CAP2: variants seen among roughly 807,000 people sequenced by gnomAD.
The protein encoded by CAP2 is adenylyl cyclase-associated protein 2.
CAP2 carries 24 observed loss-of-function variants against 57.7 expected under a neutral mutation model. The ratio of observed to expected loss-of-function variants is 0.42; its 90% CI spans 0.30 to 0.58. CAP2 has a LOEUF of 0.58. Among genes scored for constraint, CAP2 ranks in the 20% least tolerant of loss-of-function variants. CAP2 has a pLI of 0.22. For synonymous variants in CAP2, 194 were observed against 207.2 expected (o/e 0.94, Z 0.55); for missense variants, 501 against 590.3 (o/e 0.85, Z 1.57).
intron 3 of CAP2, among the ~76,000 whole-genome samples, chr6:17,443,991 C>G (rs897300038): frequency 1.3e-5 from 2 of 151,990 alleles, no homozygotes; most frequent in Admixed American, 6.6e-5. Context: ...TTTAGAAAAC[C>G]CTTTTAAAAA....
intron 2 of CAP2, among the ~76,000 whole-genome samples, chr6:17,423,540 C>A (rs2113534397): frequency 6.6e-6 from 1 of 152,188 alleles, no homozygotes; most frequent in South Asian, 2.1e-4. Flanking sequence ...CTGTAAACTA[C>A]TGACCACAAA....
chr6:17,554,145 T>C (rs1484563481), intron 12 of CAP2, among the ~76,000 whole-genome samples: 3 of 152,232 alleles, frequency 2.0e-5, no homozygotes, highest in Non-Finnish European at 4.4e-5. Context: ...CTTGCTCTGT[T>C]GACCAGGCTG....
chr6:17,448,215 C>T (rs1044599028), intron 3 of CAP2, among the ~76,000 whole-genome samples: 6 of 152,188 alleles, frequency 3.9e-5, no homozygotes, highest in South Asian at 2.1e-4. Context: ...TTTTTCTGAG[C>T]GGCCTTAGTA....
At chr6:17,473,882 T>A (rs1484647794) in intron 4 of CAP2, among the ~76,000 whole-genome samples, 2 of 152,220 alleles carry the variant, frequency 1.3e-5, no homozygotes, top group African/African-American at 2.4e-5. Context: ...AATTTGTATA[T>A]TTAGCTCTTA....
intron 11 of CAP2, among the ~76,000 whole-genome samples, chr6:17,543,624 CAAAAA>C (rs66747239): frequency 7.2e-5 from 6 of 83,916 alleles, no homozygotes; most frequent in Non-Finnish European, 1.1e-4. Context: ...GACTCCATCT[CAAAAA>C]AAAAAAAAAA....
At chr6:17,487,410 T>A (rs1761444801) in intron 4 of CAP2, among the ~76,000 whole-genome samples, 1 of 152,038 alleles carries the variant, frequency 6.6e-6, no homozygotes, top group South Asian at 2.1e-4. Flanking sequence ...AGCAAATGCC[T>A]GTCTGGCTCA....
intron 4 of CAP2, among the ~76,000 whole-genome samples, chr6:17,497,559 GTTAT>G (rs1452524556): frequency 1.3e-5 from 2 of 152,100 alleles, no homozygotes; most frequent in African/African-American, 4.8e-5. Flanking sequence ...TTTGTATGTC[GTTAT>G]TTGTCATTGC....
chr6:17,546,256 C>T (rs1763044219), intron 11 of CAP2, among the ~76,000 whole-genome samples: 2 of 152,192 alleles, frequency 1.3e-5, no homozygotes, highest in Non-Finnish European at 2.9e-5. Flanking sequence ...GAGATTGTAT[C>T]TCACTGTGGT....
rs372523991 is a variant in CAP2, at chr6:17,469,819, G to A, written c.300+6746G>A. On this transcript the variant is annotated intron_variant, in intron 4 of 12. Coordinates refer to ENST00000229922, the MANE Select transcript of CAP2 (RefSeq NM_006366.3). ...CCTCCATCTCTGAGTGAATGCACAT[G>A]CCCAGCACAGTCCTCCGCTCAGCAC... Among the ~76,000 whole-genome samples the A allele has an allele frequency of 3.3e-5, 5 of 152,146 alleles. No homozygotes were observed. In the East Asian group the frequency reaches 7.7e-4, roughly 23 times the overall value.
intron 4 of CAP2, among the ~76,000 whole-genome samples, chr6:17,484,525 C>T (rs1761374495): frequency 6.6e-6 from 1 of 152,180 alleles, no homozygotes; most frequent in Non-Finnish European, 1.5e-5. Flanking sequence ...GGATAAATAT[C>T]ATATTTCATT....
chr6:17,430,507 C>A lies in CAP2; in HGVS notation c.222+3817C>A, dbSNP rs78698334. Among the ~76,000 whole-genome samples, 588 of 151,144 alleles carry A rather than the reference C, an allele frequency of 3.9e-3. 5 individuals carry two copies. The highest frequency in any genetic ancestry group is 0.037 in the East Asian group (192 of 5,142). On this transcript the variant is annotated intron_variant, in intron 3 of 12. Transcript: ENST00000229922. ...TAATACCTAGCCCTTGGTTGGACAT[C>A]ATTTATCCATAAATAGATTTATGTG...
intron 1 of CAP2, among the ~76,000 whole-genome samples, chr6:17,407,817 G>A (rs1407163317): frequency 6.7e-6 from 1 of 148,332 alleles, no homozygotes; most frequent in Non-Finnish European, 1.5e-5. Flanking sequence ...AGTCAAGTGT[G>A]AAAGTAGACC....
chr6:17,395,145 A>C (rs1758636197), intron 1 of CAP2, among the ~76,000 whole-genome samples: 1 of 152,230 alleles, frequency 6.6e-6, no homozygotes, highest in Admixed American at 6.5e-5. Flanking sequence ...GTAGGAAGTA[A>C]GTTTTTGTTC....
chr6:17,464,198 A>G (rs1297366047), intron 4 of CAP2, among the ~76,000 whole-genome samples: 1 of 152,240 alleles, frequency 6.6e-6, no homozygotes, highest in Non-Finnish European at 1.5e-5. Context: ...AAGTAGTGGC[A>G]CTACCAGCAT....
At chr6:17,501,714 T>C (rs1761826253) in intron 4 of CAP2, among the ~76,000 whole-genome samples, 2 of 152,182 alleles carry the variant, frequency 1.3e-5, no homozygotes, top group Non-Finnish European at 2.9e-5. Context: ...TGCAAAACAA[T>C]TCCCTTACTT....
chr6:17,534,887 G>A (rs997851720), intron 7 of CAP2, among the ~76,000 whole-genome samples: 1 of 152,136 alleles, frequency 6.6e-6, no homozygotes. Flanking sequence ...AACAACTTGA[G>A]CCCTAGACGG....
chr6:17,528,861 A>C (rs1762569386), intron 7 of CAP2, among the ~76,000 whole-genome samples: 1 of 152,196 alleles, frequency 6.6e-6, no homozygotes. Context: ...TATTATTAAC[A>C]ATTCTGTGTT....
chr6:17,469,370 AC>A (rs1178798483), intron 4 of CAP2, among the ~76,000 whole-genome samples: 1 of 151,966 alleles, frequency 6.6e-6, no homozygotes, highest in African/African-American at 2.4e-5. Context: ...TGCTGCTAAG[AC>A]CTGACAGTGA....
chr6:17,393,959 G>T (rs1284993672), intron 1 of CAP2, among the ~76,000 whole-genome samples: 4 of 147,726 alleles, frequency 2.7e-5, no homozygotes, highest in Non-Finnish European at 6.0e-5. Flanking sequence ...GCGCGGGCGC[G>T]GGCGGACTCC....
Sources: allele counts gnomAD v4.1 joint callset (sites outside exome capture counted in the v4.1 genomes callset), GRCh38; gene constraint gnomAD v4.1.1; transcripts MANE v1.5; gene names NCBI Gene and HGNC (gene_info 2026-07-23, HGNC 2026-07-21).